Variants in CBR4 observed in about 807,000 individuals in gnomAD.
CBR4 encodes the protein carbonyl reductase 4.
A neutral mutation model predicts 21.0 loss-of-function variants in CBR4; 22 were observed. That is an observed-to-expected ratio of 1.05 (90% CI 0.75 to 1.50). The LOEUF is 1.50. Among genes scored for constraint, CBR4 ranks in the 40% most tolerant of loss-of-function variants. The probability of loss-of-function intolerance (pLI) is 0.00; values close to 1 mark genes in which losing one functional copy is unlikely to be tolerated. For missense variants in CBR4, 302 were observed against 286.3 expected (o/e 1.05, Z -0.40); for synonymous variants, 100 against 104.4 (o/e 0.96, Z 0.26).
intron 2 of CBR4, among the ~76,000 whole-genome samples, chr4:168,903,529 A>AT (rs1267288792): frequency 6.6e-6 from 1 of 152,222 alleles, no homozygotes; most frequent in Non-Finnish European, 1.5e-5. Flanking sequence ...TAAGTGCAAT[A>AT]TTTTTAAAAA....
At chr4:168,961,814 C>T (rs1361367744) in intron 2 of CBR4, among the ~76,000 whole-genome samples, 2 of 151,962 alleles carry the variant, frequency 1.3e-5, no homozygotes, top group African/African-American at 2.4e-5. Context: ...TGCTTGAACC[C>T]GGGAGGCGGA....
chr4:168,938,566 G>C (rs918067204), intron 2 of CBR4, among the ~76,000 whole-genome samples: 1 of 152,074 alleles, frequency 6.6e-6, no homozygotes, highest in African/African-American at 2.4e-5. Context: ...CCACTAGCCA[G>C]GCTACTAAAG....
intron 2 of CBR4, among the ~76,000 whole-genome samples, chr4:168,896,134 C>G (rs755629008): frequency 6.7e-6 from 1 of 150,138 alleles, no homozygotes; most frequent in East Asian, 2.0e-4. Flanking sequence ...CGCTTGAACC[C>G]AGGAGACAGA....
At chr4:168,904,681 A>G in intron 2 of CBR4, among the ~76,000 whole-genome samples, 1 of 152,222 alleles carries the variant, frequency 6.6e-6, no homozygotes, top group East Asian at 1.9e-4. Flanking sequence ...TTAAAAAGAA[A>G]AAAAAAGGCA....
intron 3 of CBR4, among the ~76,000 whole-genome samples, chr4:169,003,365 G>C (rs776760335): frequency 6.6e-6 from 1 of 152,210 alleles, no homozygotes; most frequent in Non-Finnish European, 1.5e-5. Flanking sequence ...AGTGGAGCCT[G>C]AAGATGTGAC....
intron 2 of CBR4, chr4:168,928,536 C>T (rs1762838325): frequency 6.1e-6 from 1 of 163,306 alleles, no homozygotes; most frequent in South Asian, 2.0e-4. Flanking sequence ...TTATTACTCA[C>T]AGTTCTGTAA....
intron 4 of CBR4, among the ~76,000 whole-genome samples, chr4:168,995,153 G>T (rs1193243311): frequency 1.3e-5 from 2 of 152,142 alleles, no homozygotes; most frequent in African/African-American, 4.8e-5. Context: ...CTTTAGGAAT[G>T]TAAGTTCCCT....
chr4:168,976,485 A>G (rs1301161270), intron 2 of CBR4, among the ~76,000 whole-genome samples: 1 of 152,208 alleles, frequency 6.6e-6, no homozygotes, highest in East Asian at 1.9e-4. Flanking sequence ...TGGTGGGATT[A>G]TCATTAGTTC....
chr4:168,907,517 C>T (rs1029046454), intron 2 of CBR4, among the ~76,000 whole-genome samples: 1 of 152,166 alleles, frequency 6.6e-6, no homozygotes, highest in Non-Finnish European at 1.5e-5. Context: ...GAGCTGTGAG[C>T]TAGAGGACGG....
intron 2 of CBR4, among the ~76,000 whole-genome samples, chr4:168,938,323 G>T (rs1366459432): frequency 2.0e-5 from 3 of 152,130 alleles, no homozygotes; most frequent in African/African-American, 7.2e-5. Flanking sequence ...AGTATTTAGA[G>T]GGAAATTTAT....
At chr4:168,937,695 A>G (rs934566378) in intron 2 of CBR4, among the ~76,000 whole-genome samples, 12 of 152,220 alleles carry the variant, frequency 7.9e-5, no homozygotes, top group Non-Finnish European at 1.5e-4. Context: ...TTAAACCAAC[A>G]AAGATCAAAA....
chr4:168,952,642 G>T (rs1189901907), intron 2 of CBR4, among the ~76,000 whole-genome samples: 1 of 152,080 alleles, frequency 6.6e-6, no homozygotes, highest in Non-Finnish European at 1.5e-5. Context: ...TTTTTCCTAT[G>T]GATGTGGCTT....
intron 2 of CBR4, among the ~76,000 whole-genome samples, chr4:168,895,786 A>C (rs982562243): frequency 6.6e-6 from 1 of 152,264 alleles, no homozygotes; most frequent in Non-Finnish European, 1.5e-5. Context: ...TTTAGTCTTA[A>C]TATCTAGTCA....
chr4:168,917,328 A>G (rs1008858048), intron 2 of CBR4, among the ~76,000 whole-genome samples: 5 of 152,134 alleles, frequency 3.3e-5, no homozygotes, highest in Admixed American at 1.3e-4. Flanking sequence ...GATTACAGGC[A>G]TGAGCCACCA....
At chr4:168,914,086 A>G (rs1191515043) in intron 2 of CBR4, 9 of 982,212 alleles carry the variant, frequency 9.2e-6, no homozygotes, top group African/African-American at 1.6e-5. Flanking sequence ...ATGTAGTACT[A>G]TTAGAATCAT....
rs141155457 is a variant in CBR4, at chr4:168,915,896, C to G, written n.170-21131G>C. 1.4e-5 allele frequency: 23 copies of G among 1,611,752 alleles called. No individual in the cohort carries two copies. The highest frequency in any genetic ancestry group is 1.1e-4 in the African/African-American group (8 of 74,858). Reference sequence around the variant, plus strand: ...ATCTGTCATCTTTCTTGTTTCAAGGCCTCGTTCTAGATCAAGGGACAGTGG... The same window carrying G: ...ATCTGTCATCTTTCTTGTTTCAAGGGCTCGTTCTAGATCAAGGGACAGTGG... On this transcript the variant is annotated intron_variant and non_coding_transcript_variant, in intron 2 of 3. Transcript: ENST00000509108.
chr4:168,900,508 CA>C lies in CBR4; in HGVS notation n.170-5744del, dbSNP rs200067891. Among the ~76,000 whole-genome samples, 728 of 152,174 alleles carry C rather than the reference CA, an allele frequency of 4.8e-3. 6 individuals are homozygous for C. The highest frequency in any genetic ancestry group is 5.5e-3 in the Admixed American group (84 of 15,284). ...AATGAAATAAAAAGCTTAATAGTGG[CA>C]TAAAATGAAAGAGGGAAAAGTGATA... On this transcript the variant is annotated intron_variant and non_coding_transcript_variant, in intron 2 of 3. Transcript: ENST00000509108.
intron 2 of CBR4, chr4:168,926,071 G>C: frequency 1.6e-6 from 1 of 638,010 alleles, no homozygotes; most frequent in Non-Finnish European, 2.5e-6. Context: ...ATGCAAAAGT[G>C]TTCCTAAATT....
chr4:168,929,334 A>G (rs1762890871), intron 2 of CBR4, among the ~76,000 whole-genome samples: 1 of 152,198 alleles, frequency 6.6e-6, no homozygotes, highest in South Asian at 2.1e-4. Context: ...CAGCCTCCAT[A>G]AGGTGAAAAT....
Sources: gnomAD v4.1 joint callset for allele counts (sites outside exome capture counted in the v4.1 genomes callset) on GRCh38, gnomAD v4.1.1 for gene constraint, MANE v1.5 for transcripts, NCBI Gene and HGNC (gene_info 2026-07-23, HGNC 2026-07-21) for gene names.